Variants in DCAF17 observed in about 807,000 individuals in gnomAD.
DCAF17 encodes the protein DDB1 and CUL4 associated factor 17.
A neutral mutation model predicts 66.0 loss-of-function variants in DCAF17; 48 were observed. The ratio of observed to expected loss-of-function variants is 0.73; its 90% confidence interval spans 0.58 to 0.92. The LOEUF (loss-of-function observed/expected upper bound fraction) is 0.92. Among genes scored for constraint, DCAF17 ranks in the 40% least tolerant of loss-of-function variants. The pLI, the probability that DCAF17 is intolerant of heterozygous loss-of-function variation, is 0.00. For missense variants in DCAF17, 562 were observed against 622.8 expected, an observed-to-expected ratio of 0.90 and a Z score of 1.04; for synonymous variants, 206 against 214.6, an observed-to-expected ratio of 0.96 and a Z score of 0.35.
At chr2:171,460,282 C>T (rs1695502702) in intron 8 of DCAF17, among the ~76,000 whole-genome samples, 1 of 144,934 alleles carries the variant, frequency 6.9e-6, no homozygotes, top group East Asian at 2.0e-4. Flanking sequence ...GAGATCGTGC[C>T]ACTGCACTCT....
intron 8 of DCAF17, among the ~76,000 whole-genome samples, chr2:171,459,871 C>T (rs1419925268): frequency 6.6e-6 from 1 of 152,104 alleles, no homozygotes; most frequent in Non-Finnish European, 1.5e-5. Context: ...GAAAATTCAG[C>T]TCTAGCAATA....
At chr2:171,453,874 A>C (rs1695094721) in intron 6 of DCAF17, among the ~76,000 whole-genome samples, 1 of 152,334 alleles carries the variant, frequency 6.6e-6, no homozygotes, top group African/African-American at 2.4e-5. Flanking sequence ...GGATCTACTG[A>C]TCTTTATAAG....
intron 2 of DCAF17, among the ~76,000 whole-genome samples, chr2:171,442,563 C>CAA (rs1176443561): frequency 4.0e-4 from 24 of 60,580 alleles, no homozygotes; most frequent in South Asian, 1.1e-3. Flanking sequence ...GACTCCATCT[C>CAA]AAAAAAAAAA....
At chr2:171,440,591 T>C (rs936383180) in intron 2 of DCAF17, among the ~76,000 whole-genome samples, 3 of 152,188 alleles carry the variant, frequency 2.0e-5, no homozygotes, top group African/African-American at 7.2e-5. Context: ...TTTACAAATT[T>C]AAGATAATAT....
chr2:171,478,627 A>T (rs1174320892), intron 12 of DCAF17, among the ~76,000 whole-genome samples: 2 of 152,260 alleles, frequency 1.3e-5, no homozygotes, highest in African/African-American at 2.4e-5. Context: ...GATAGTGATC[A>T]TGCTTTAAAC....
chr2:171,459,956 A>G (rs1315250790), intron 8 of DCAF17, among the ~76,000 whole-genome samples: 2 of 152,208 alleles, frequency 1.3e-5, no homozygotes, highest in Non-Finnish European at 2.9e-5. Context: ...AGTGGTAACC[A>G]GGTTATTTTG....
intron 2 of DCAF17, 108 bp from the exon 3 acceptor site, chr2:171,443,415 A>G (rs763076918): frequency 3.8e-6 from 3 of 796,628 alleles, no homozygotes; most frequent in Admixed American, 2.3e-5. Context: ...AAGCAAATAA[A>G]TTGTGCCTTG....
At chr2:171,480,014 C>T in intron 12 of DCAF17, 24 bp from the exon 13 acceptor site, 1 of 1,612,096 alleles carries the variant, frequency 6.2e-7, no homozygotes, top group African/African-American at 1.3e-5. Context: ...CCCTTTCCCT[C>T]TATTTTATCT....
In DCAF17 at chr2:171,450,034, C is replaced by G. The variant is rs1694858993; in HGVS notation, c.537+77C>G. 1 of 1,244,880 alleles carries G rather than the reference C, an allele frequency of 8.0e-7. No homozygotes were observed. Among genetic ancestry groups the G allele is most frequent in the East Asian group, 2.4e-5 (1 of 42,092 alleles). 77.1% of individuals were successfully genotyped at this position (1,244,880 alleles called of 1,614,324 possible). ...TGTCTGCAGATTTGTTATGAAAAATCTAATGATCTTTTATTTCTGAAGCAT... is the reference window on the plus strand; with the variant it reads ...TGTCTGCAGATTTGTTATGAAAAATGTAATGATCTTTTATTTCTGAAGCAT... On this transcript the variant is annotated intron_variant, in intron 5 of 13. Transcript: ENST00000375255.
In DCAF17 at chr2:171,473,887, A is replaced by G. The variant is rs1364530083; in HGVS notation, c.1003A>G (p.Met335Val). ...NSLAKNGIQE[M>V]DCCSLESDWI... ...TCAGGCAAAAAATGGGATCCAAGAA[A>G]TGGATTGTTGTTCTCTAGAATCTGA... is the stretch of plus-strand genomic sequence containing the variant. The change falls in exon 10 of 14, where the codon ATG becomes GTG. Residue 335 changes from methionine (M) to valine (V), a missense_variant. Transcript: ENST00000375255. 3 of 1,613,754 alleles carry G rather than the reference A, an allele frequency of 1.9e-6. No individual in the cohort carries two copies. Among genetic ancestry groups the G allele is most frequent in the Middle Eastern group, 1.7e-4 (1 of 6,050 alleles).
chr2:171,477,929 A>G, intron 11 of DCAF17, 58 bp from the exon 12 acceptor site: 1 of 1,451,046 alleles, frequency 6.9e-7, no homozygotes. Context: ...ATACAGTTTT[A>G]CCTTTGACTG....
chr2:171,470,785 CTAT>C (rs1696200523), intron 9 of DCAF17, among the ~76,000 whole-genome samples: 1 of 152,024 alleles, frequency 6.6e-6, no homozygotes. Context: ...CTGATAGTAC[CTAT>C]TATTTCATAC....
intron 2 of DCAF17, among the ~76,000 whole-genome samples, chr2:171,437,810 A>G (rs1694058814): frequency 6.6e-6 from 1 of 152,206 alleles, no homozygotes; most frequent in African/African-American, 2.4e-5. Context: ...CCTTTTCAAA[A>G]AAACAGCTTT....
chr2:171,445,229 A>G (rs534540269), intron 3 of DCAF17, among the ~76,000 whole-genome samples: 7 of 151,992 alleles, frequency 4.6e-5, no homozygotes. Context: ...GGCTCAAGCA[A>G]TTCTCCTGCC....
chr2:171,477,296 A>C (rs1696543036), intron 11 of DCAF17, among the ~76,000 whole-genome samples: 1 of 152,296 alleles, frequency 6.6e-6, no homozygotes, highest in East Asian at 1.9e-4. Context: ...CCATACTTTA[A>C]CTCCAGATGG....
At chr2:171,442,202 T>C (rs1694343046) in intron 2 of DCAF17, among the ~76,000 whole-genome samples, 1 of 152,220 alleles carries the variant, frequency 6.6e-6, no homozygotes, top group Non-Finnish European at 1.5e-5. Flanking sequence ...AGAGGTACAA[T>C]AAAATTATCA....
chr2:171,463,233 A>AAG, intron 8 of DCAF17, among the ~76,000 whole-genome samples: 1 of 151,930 alleles, frequency 6.6e-6, no homozygotes, highest in African/African-American at 2.4e-5. Context: ...TTAAAAAAAA[A>AAG]AAAAAAACAG....
chr2:171,473,826 T>C (rs1269405285), intron 9 of DCAF17, 40 bp from the exon 10 acceptor site: 2 of 1,499,444 alleles, frequency 1.3e-6, no homozygotes, highest in African/African-American at 2.8e-5. Flanking sequence ...CATTTGATTT[T>C]CCCTTAATCT....
chr2:171,447,156 G>A (rs1460361319), intron 3 of DCAF17, among the ~76,000 whole-genome samples: 2 of 151,250 alleles, frequency 1.3e-5, no homozygotes, highest in African/African-American at 2.4e-5. Flanking sequence ...TTAGTATTTA[G>A]TGGTGTATAA....
Sources: gnomAD v4.1 joint callset for allele counts (sites outside exome capture counted in the v4.1 genomes callset) on GRCh38, gnomAD v4.1.1 for gene constraint, MANE v1.5 for transcripts, NCBI Gene and HGNC (gene_info 2026-07-23, HGNC 2026-07-21) for gene names.